Variants in DPH6 observed in about 807,000 individuals in gnomAD.
DPH6 encodes the protein diphthine--ammonia ligase.
DPH6 carries 33 observed loss-of-function variants against 38.2 expected under a neutral mutation model. That is an observed-to-expected ratio of 0.86 (90% CI 0.65 to 1.15). The LOEUF is 1.15. Ranked by LOEUF, DPH6 falls within the 50% of genes most tolerant of loss-of-function variation. The pLI, the probability that DPH6 is intolerant of heterozygous loss-of-function variation, is 0.00. For synonymous variants in DPH6, 108 were observed against 103.0 expected (o/e 1.05, Z -0.30); for missense variants, 325 against 320.0 (o/e 1.02, Z -0.12).
At chr15:35,341,124 C>T (rs1034834767) in intron 3 of DPH6, among the ~76,000 whole-genome samples, 14 of 152,070 alleles carry the variant, frequency 9.2e-5, no homozygotes, top group African/African-American at 2.7e-4. Context: ...TCAGGAAGAT[C>T]GTCTTCAAAC....
At chr15:35,467,842 G>A (rs1265907517) in intron 3 of DPH6, among the ~76,000 whole-genome samples, 1 of 152,100 alleles carries the variant, frequency 6.6e-6, no homozygotes, top group Non-Finnish European at 1.5e-5. Flanking sequence ...AGTCATTGTA[G>A]CAGATTTGTT....
chr15:35,450,570 G>T, intron 5 of DPH6, 115 bp downstream of exon 5: 2 of 847,394 alleles, frequency 2.4e-6, no homozygotes, highest in Non-Finnish European at 1.9e-6. Flanking sequence ...CTTCAGCTGT[G>T]ACTCCACATT....
chr15:35,417,163 C>T (rs2141005826), intron 5 of DPH6, among the ~76,000 whole-genome samples: 2 of 152,074 alleles, frequency 1.3e-5, no homozygotes, highest in South Asian at 4.2e-4. Flanking sequence ...CAAGTTTCCT[C>T]ATTTACTAAC....
At chr15:35,202,820 A>G in the DPH6 span, among the ~76,000 whole-genome samples, 2 of 151,688 alleles carry the variant, frequency 1.3e-5, no homozygotes, top group East Asian at 1.9e-4. Flanking sequence ...TTGTTCAGCA[A>G]TTATTATTAT....
At chr15:35,323,244 T>C (rs1260385606) in intron 3 of DPH6, among the ~76,000 whole-genome samples, 5 of 152,198 alleles carry the variant, frequency 3.3e-5, no homozygotes, top group African/African-American at 1.2e-4. Flanking sequence ...TAAGAGGCTT[T>C]AGACATGTCA....
downstream of DPH6, among the ~76,000 whole-genome samples, chr15:35,326,964 G>A (rs1196575278): frequency 6.6e-6 from 1 of 152,136 alleles, no homozygotes; most frequent in Non-Finnish European, 1.5e-5. Context: ...GGAACCAGCA[G>A]AGGAAATATT....
chr15:35,208,075 ATAAG>A, the DPH6 span, among the ~76,000 whole-genome samples: 6,323 of 152,282 alleles, frequency 0.042, 148 homozygotes, highest in African/African-American at 0.074. Flanking sequence ...ACATCTGTGG[ATAAG>A]TAAGAAGAAA....
the DPH6 span, among the ~76,000 whole-genome samples, chr15:35,158,957 T>C: frequency 6.6e-6 from 1 of 152,080 alleles, no homozygotes; most frequent in African/African-American, 2.4e-5. Context: ...TCATTTTAAA[T>C]AGAGAGACAC....
intron 3 of DPH6, among the ~76,000 whole-genome samples, chr15:35,536,281 A>G (rs947534776): frequency 6.6e-6 from 1 of 152,026 alleles, no homozygotes; most frequent in Non-Finnish European, 1.5e-5. Flanking sequence ...CATAAAAGCA[A>G]TATATTTCTG....
chr15:35,480,515 T>C (rs769804913), intron 3 of DPH6, among the ~76,000 whole-genome samples: 1 of 152,084 alleles, frequency 6.6e-6, no homozygotes, highest in Non-Finnish European at 1.5e-5. Context: ...ATACCAGCTA[T>C]ATAAATAGGA....
intron 2 of DPH6, among the ~76,000 whole-genome samples, chr15:35,542,083 G>A (rs2055260838): frequency 6.6e-6 from 1 of 152,132 alleles, no homozygotes; most frequent in South Asian, 2.1e-4. Context: ...ACTTGGGAAT[G>A]TGGTGGGGTA....
At chr15:35,363,361 G>A (rs1214946191) in intron 3 of DPH6, among the ~76,000 whole-genome samples, 2 of 152,036 alleles carry the variant, frequency 1.3e-5, no homozygotes, top group Non-Finnish European at 2.9e-5. Flanking sequence ...CTGAAGAATT[G>A]AGCATTTTAA....
intron 4 of DPH6, among the ~76,000 whole-genome samples, chr15:35,453,620 C>A (rs2053962464): frequency 6.6e-6 from 1 of 151,994 alleles, no homozygotes; most frequent in Non-Finnish European, 1.5e-5. Flanking sequence ...ACCTCCTTCC[C>A]CACTCCATCA....
intron 3 of DPH6, among the ~76,000 whole-genome samples, chr15:35,275,337 G>A (rs368822015): frequency 3.7e-4 from 56 of 152,184 alleles, no homozygotes; most frequent in African/African-American, 1.3e-3. Flanking sequence ...TAAAGAAAAT[G>A]TGGCACATAT....
At chr15:35,521,720 T>G in intron 3 of DPH6, 1 of 1,231,506 alleles carries the variant, frequency 8.1e-7, no homozygotes, top group Middle Eastern at 3.1e-4. Flanking sequence ...TTTAGTCAAC[T>G]TTAATTTATG....
chr15:35,185,826 G>A, the DPH6 span, among the ~76,000 whole-genome samples: 3 of 147,346 alleles, frequency 2.0e-5, no homozygotes, highest in Non-Finnish European at 4.4e-5. Context: ...TCTGCCTCCC[G>A]GGTTCACGCC....
chr15:35,534,681 TAGA>T lies in DPH6; in HGVS notation c.312+3590_312+3592del, dbSNP rs1292671059. Among the ~76,000 whole-genome samples, 20 of 152,174 alleles carry T rather than the reference TAGA, an allele frequency of 1.3e-4. No individual in the cohort carries two copies. The East Asian group carries it at 3.7e-3, about 28-fold the overall frequency. The stretch of plus-strand genomic sequence containing the variant: ...AATAAAGATACATGAAGATTCAGTC[TAGA>T]AGGTTTCATATGTGACTAGTGAGAG... On this transcript the variant is annotated intron_variant, in intron 3 of 8. Transcript: ENST00000256538.
At chr15:35,345,465 CATA>C (rs549622283) in intron 3 of DPH6, among the ~76,000 whole-genome samples, 57 of 151,920 alleles carry the variant, frequency 3.8e-4, no homozygotes, top group African/African-American at 1.3e-3. Flanking sequence ...TCCACCGAAG[CATA>C]ATGTTTGTTG....
At chr15:35,529,634 T>C (rs1442571764) in intron 3 of DPH6, among the ~76,000 whole-genome samples, 5 of 152,224 alleles carry the variant, frequency 3.3e-5, no homozygotes, top group Non-Finnish European at 7.3e-5. Context: ...TCTGTATAAG[T>C]GTCTTATCCT....
Sources: gnomAD v4.1 joint callset for allele counts (sites outside exome capture counted in the v4.1 genomes callset) on GRCh38, gnomAD v4.1.1 for gene constraint, MANE v1.5 for transcripts, NCBI Gene and HGNC (gene_info 2026-07-23, HGNC 2026-07-21) for gene names.